The following CNGB1 variants were observed in gnomAD, a reference collection of about 807,000 sequenced individuals.
CNGB1 encodes cyclic nucleotide gated channel subunit beta 1.
Under a neutral mutation model 151.7 loss-of-function variants are expected in CNGB1, and 126 were observed. The ratio of observed to expected loss-of-function variants is 0.83; its 90% CI spans 0.72 to 0.96. CNGB1 has a LOEUF of 0.96. Ranked by LOEUF, CNGB1 falls within the 40% of genes least tolerant of loss-of-function variation. The probability of loss-of-function intolerance (pLI) is 0.00; values close to 1 mark genes in which losing one functional copy is unlikely to be tolerated. For synonymous variants in CNGB1, 623 were observed against 635.1 expected (o/e 0.98, Z 0.29); for missense variants, 1,698 against 1,627.0 (o/e 1.04, Z -0.75).
intron 6 of CNGB1, 95 bp from the exon 7 acceptor site, chr16:57,962,705 A>G: frequency 6.4e-7 from 1 of 1,565,822 alleles, no homozygotes. Flanking sequence ...GCTCAGCTCA[A>G]CCCCAGGTTC....
chr16:57,941,322 G>A (rs1961662110), intron 14 of CNGB1, among the ~76,000 whole-genome samples: 1 of 152,114 alleles, frequency 6.6e-6, no homozygotes, highest in African/African-American at 2.4e-5. Context: ...GATGCTCTGG[G>A]GTGTCTGCCA....
At chr16:57,947,884 C>T (rs1405416022) in intron 14 of CNGB1, among the ~76,000 whole-genome samples, 1 of 152,182 alleles carries the variant, frequency 6.6e-6, no homozygotes, top group East Asian at 1.9e-4. Flanking sequence ...CCCCATTTTA[C>T]AGATGTGGAG....
intron 16 of CNGB1, 58 bp from the exon 17 acceptor site, chr16:57,931,936 G>A: frequency 1.3e-6 from 2 of 1,575,272 alleles, no homozygotes; most frequent in Admixed American, 1.7e-5. Context: ...GGTCCCAGGA[G>A]TCCAGCTGTG....
At chr16:57,901,262 TG>T in intron 29 of CNGB1, 89 bp downstream of exon 29, 1 of 1,260,818 alleles carries the variant, frequency 7.9e-7, no homozygotes, top group Non-Finnish European at 1.2e-6. Flanking sequence ...CGCTCTGCCC[TG>T]GGCTGGCAGG....
At chr16:57,924,171 T>C (rs1375106733) in intron 17 of CNGB1, among the ~76,000 whole-genome samples, 2 of 152,072 alleles carry the variant, frequency 1.3e-5, no homozygotes, top group Non-Finnish European at 2.9e-5. Flanking sequence ...TTGACACTAT[T>C]TTATGTTGGT....
intron 32 of CNGB1, among the ~76,000 whole-genome samples, chr16:57,886,581 G>T (rs958760844): frequency 4.6e-5 from 7 of 152,104 alleles, no homozygotes; most frequent in African/African-American, 1.7e-4. Context: ...CATCTGGATG[G>T]GTCTCCTGGA....
chr16:57,954,749 G>A, intron 12 of CNGB1: 1 of 969,454 alleles, frequency 1.0e-6, no homozygotes. Context: ...CCCAAGCCTT[G>A]GAAGGAGAGA....
At chr16:57,922,426 TC>T (rs1223161199) in intron 18 of CNGB1, among the ~76,000 whole-genome samples, 5 of 140,634 alleles carry the variant, frequency 3.6e-5, no homozygotes, top group African/African-American at 1.3e-4. Flanking sequence ...TTTCTTTCTT[TC>T]TTTCTTTTTT....
chr16:57,922,708 CAT>C (rs1288901748), intron 18 of CNGB1, among the ~76,000 whole-genome samples: 2 of 152,082 alleles, frequency 1.3e-5, no homozygotes, highest in African/African-American at 4.8e-5. Context: ...GGATTACAGG[CAT>C]GAGCCACCAC....
At chr16:57,932,263 G>T (rs1220606106) in intron 16 of CNGB1, among the ~76,000 whole-genome samples, 1 of 152,154 alleles carries the variant, frequency 6.6e-6, no homozygotes, top group South Asian at 2.1e-4. Flanking sequence ...GAGTCCTGGC[G>T]CCTGGCCTAG....
rs1233771022 is a variant in CNGB1, at chr16:57,887,889, T to C, written c.3428A>G (p.Glu1143Gly). 1 of 1,614,194 alleles carries C rather than the reference T, an allele frequency of 6.2e-7. No homozygotes were observed. Among genetic ancestry groups the C allele is most frequent in the Non-Finnish European group, 8.5e-7 (1 of 1,180,046 alleles). ...CAACTCTTGCTGCTTTGCAGCCGCC[T>C]CCAGCGCGGCCAGTTCTTTGAGCCG... ...RARLKELAAL[E>G]AAAKQQELVE... The change falls in exon 32 of 33, where the codon GAG becomes GGG. Residue 1143 changes from glutamate (E) to glycine (G), a missense_variant. By Grantham distance (98) the Glu-to-Gly change is moderately conservative. Coordinates refer to ENST00000251102, the MANE Select transcript of CNGB1 (RefSeq NM_001297.5).
intron 18 of CNGB1, 46 bp from the exon 19 acceptor site, chr16:57,920,590 C>T (rs747383874): frequency 6.2e-7 from 1 of 1,602,692 alleles, no homozygotes; most frequent in South Asian, 1.1e-5. Context: ...CCGGGAGGGA[C>T]CTGTGCACCC....
chr16:57,892,838 T>C (rs1960130035), intron 31 of CNGB1, among the ~76,000 whole-genome samples: 1 of 152,320 alleles, frequency 6.6e-6, no homozygotes, highest in East Asian at 1.9e-4. Flanking sequence ...GCAGGTCTCG[T>C]TGAAATGCCA....
intron 17 of CNGB1, among the ~76,000 whole-genome samples, chr16:57,928,911 T>C (rs1265810307): frequency 6.6e-6 from 1 of 152,186 alleles, no homozygotes; most frequent in African/African-American, 2.4e-5. Flanking sequence ...AGTGCTGGGA[T>C]TACAGGCATG....
chr16:57,962,907 G>T (rs774054247), intron 5 of CNGB1, 35 bp from the exon 6 acceptor site: 1 of 1,612,232 alleles, frequency 6.2e-7, no homozygotes, highest in Non-Finnish European at 8.5e-7. Context: ...TGGGCAGGGA[G>T]CCCAAGGGCA....
chr16:57,884,217 C>T lies in CNGB1; in HGVS notation c.3703G>A (p.Glu1235Lys). Residue 1235 changes from glutamate to lysine, a missense_variant, in exon 33 of 33, where the codon GAG (glutamate) becomes AAG (lysine). Coordinates refer to ENST00000251102, the MANE Select transcript of CNGB1 (RefSeq NM_001297.5). Reference sequence around the variant, plus strand: ...GGCATCTTCACCGACAGGATCTGCTCTCCCGGCTCCGGGCCCGGGCTCATG... The same window carrying T: ...GGCATCTTCACCGACAGGATCTGCTTTCCCGGCTCCGGGCCCGGGCTCATG... Reference protein sequence around the residue: ...ICMSPGPEPGEQILSVKMPEE... With the variant: ...ICMSPGPEPGKQILSVKMPEE... 2 of 1,613,996 alleles carry T rather than the reference C, an allele frequency of 1.2e-6. No homozygotes were observed. The highest frequency in any genetic ancestry group is 1.7e-6 in the Non-Finnish European group (2 of 1,179,918).
At chr16:57,922,807 C>T (rs1961079020) in intron 18 of CNGB1, among the ~76,000 whole-genome samples, 1 of 152,106 alleles carries the variant, frequency 6.6e-6, no homozygotes, top group African/African-American at 2.4e-5. Context: ...AATGTGAACT[C>T]CCCAGGCCTA....
intron 31 of CNGB1, among the ~76,000 whole-genome samples, chr16:57,888,510 CCAGG>C (rs2149352106): frequency 6.6e-6 from 1 of 152,068 alleles, no homozygotes; most frequent in South Asian, 2.1e-4. Flanking sequence ...GCTCTGTCGC[CCAGG>C]CAGGAGTGTA....
rs150898078 is a variant in CNGB1 at position 57,934,854 on chromosome 16, G to A, written c.1373-2976C>T. Among the ~76,000 whole-genome samples the A allele has an allele frequency of 9.9e-3, 1,499 of 152,092 alleles. 9 individuals are homozygous for A. Among genetic ancestry groups the A allele is most frequent in the South Asian group, 0.014 (68 of 4,810 alleles). On this transcript the variant is annotated intron_variant, in intron 16 of 32. Transcript: ENST00000251102. Reference sequence around the variant, plus strand: ...TGCCTATAATCCCAGCTACTCAGGAGGCTGAGACAGGTGAATGGCGTGAAC... The same window carrying A: ...TGCCTATAATCCCAGCTACTCAGGAAGCTGAGACAGGTGAATGGCGTGAAC...
Sources: gnomAD v4.1 joint callset for allele counts (sites outside exome capture counted in the v4.1 genomes callset) on GRCh38, gnomAD v4.1.1 for gene constraint, MANE v1.5 for transcripts, NCBI Gene and HGNC (gene_info 2026-07-23, HGNC 2026-07-21) for gene names.